Variants in PAX2 observed in about 807,000 individuals in gnomAD.
The protein encoded by PAX2 is paired box protein Pax-2.
A neutral mutation model predicts 41.7 loss-of-function variants in PAX2; 9 were observed. That is an observed-to-expected ratio of 0.22 (90% CI 0.13 to 0.38). The LOEUF (loss-of-function observed/expected upper bound fraction) is 0.38. PAX2 is among the 10% of genes least tolerant of loss of function. The pLI, the probability that PAX2 is intolerant of heterozygous loss-of-function variation, is 1.00. For synonymous variants in PAX2, 221 were observed against 212.7 expected (o/e 1.04, Z -0.34); for missense variants, 418 against 531.6 (o/e 0.79, Z 2.10).
rs1848699892 is a variant in PAX2, at chr10:100,829,333, C to G, written c.*1714C>G. 1 of 223,256 alleles carries G rather than the reference C, an allele frequency of 4.5e-6. No homozygotes were observed. The highest frequency in any genetic ancestry group is 9.0e-6 in the Non-Finnish European group (1 of 111,610). 13.8% of individuals were successfully genotyped at this position (223,256 alleles called of 1,614,324 possible). A position where few individuals can be genotyped will look rare whatever the true frequency, so the allele number is the denominator to read the frequency against. Reference sequence around the variant, plus strand: ...TCTGCTCTTTCCTCGGCCTCTCTCCCCAGACCTGGCCCGGCCGCCCTGTCT... The same window carrying G: ...TCTGCTCTTTCCTCGGCCTCTCTCCGCAGACCTGGCCCGGCCGCCCTGTCT... On this transcript the variant is annotated 3_prime_UTR_variant, in exon 10 of 10. Coordinates refer to ENST00000355243, the MANE Select transcript of PAX2 (RefSeq NM_000278.5).
chr10:100,814,071 G>A (rs987398406), intron 7 of PAX2, among the ~76,000 whole-genome samples: 4 of 152,050 alleles, frequency 2.6e-5, no homozygotes, highest in African/African-American at 4.8e-5. Flanking sequence ...CAAAGGGGCC[G>A]GGCGCGGTGG....
intron 5 of PAX2, among the ~76,000 whole-genome samples, chr10:100,789,471 A>C (rs943686479): frequency 6.6e-6 from 1 of 152,230 alleles, no homozygotes; most frequent in Non-Finnish European, 1.5e-5. Flanking sequence ...GATTTCACAC[A>C]CTGTACTATC....
Position 100,821,369 on chromosome 10 carries a change from T to C in PAX2, c.920-3279T>C, listed in dbSNP as rs576416521. 7.2e-5 allele frequency among the ~76,000 whole-genome samples: 11 copies of C among 152,350 alleles called. No individual in the cohort carries two copies. In the South Asian group the frequency reaches 1.2e-3, roughly 17 times the overall value. ...CTCCTTTGTGGAGATACTGGTGTTA[T>C]AGACTCCGCAGCAGCAGGTGCACAG... On this transcript the variant is annotated intron_variant, in intron 7 of 9. Transcript: ENST00000355243.
chr10:100,772,132 G>T (rs766870160), intron 3 of PAX2, among the ~76,000 whole-genome samples: 22 of 151,098 alleles, frequency 1.5e-4, no homozygotes, highest in East Asian at 2.0e-4. Flanking sequence ...TATCTTTTTT[G>T]TGTGTGTGAC....
intron 3 of PAX2, among the ~76,000 whole-genome samples, chr10:100,774,100 G>A (rs1342341844): frequency 6.6e-6 from 1 of 152,232 alleles, no homozygotes; most frequent in Non-Finnish European, 1.5e-5. Flanking sequence ...AGGAGGAAGA[G>A]AGAGAGCTGA....
intron 5 of PAX2, among the ~76,000 whole-genome samples, chr10:100,804,334 C>T (rs555601981): frequency 1.6e-4 from 24 of 151,800 alleles, no homozygotes; most frequent in Non-Finnish European, 2.4e-4. Context: ...CAGGCATATA[C>T]ACAAATCTAC....
intron 3 of PAX2, among the ~76,000 whole-genome samples, chr10:100,776,601 C>A (rs1361546843): frequency 6.6e-6 from 1 of 152,184 alleles, no homozygotes. Context: ...TTTCCCCGGT[C>A]CCTGACAGTC....
At chr10:100,758,948 G>C (rs1845740050) in intron 3 of PAX2, among the ~76,000 whole-genome samples, 1 of 152,236 alleles carries the variant, frequency 6.6e-6, no homozygotes, top group Non-Finnish European at 1.5e-5. Context: ...GAGAGGTGGG[G>C]TGTGGGTAGG....
At position 100,829,377 on chromosome 10, in the gene PAX2, G is replaced by A. The variant is rs1848702138; in HGVS notation, c.*1758G>A. The A allele has an allele frequency of 4.7e-6, 1 of 212,264 alleles. No individual in the cohort carries two copies. Among genetic ancestry groups the A allele is most frequent in the South Asian group, 1.9e-4 (1 of 5,356 alleles). The allele number at this position is 212,264 out of a possible 1,614,324, so 13.1% of individuals were successfully genotyped here. A position where few individuals can be genotyped will look rare whatever the true frequency, so the allele number is the denominator to read the frequency against. ...CCTGTCTCCGCAGGCTAGATCCGAG[G>A]TGGCAGCTCCAGCCCCCGGGCTCGC... is the stretch of plus-strand genomic sequence containing the variant. On this transcript the variant is annotated 3_prime_UTR_variant, in exon 10 of 10. Coordinates refer to ENST00000355243, the MANE Select transcript of PAX2 (RefSeq NM_000278.5).
In PAX2 at chr10:100,824,884, G is replaced by A; in HGVS notation, c.1021+135G>A. The A allele has an allele frequency of 1.9e-6, 3 of 1,608,098 alleles. No homozygotes were observed. The highest frequency in any genetic ancestry group is 2.6e-6 in the Non-Finnish European group (3 of 1,174,542). ...CCTCCCTGCAAACCACTGCTATTCT[G>A]TCCCTCTCTCTCCTTAGAGGCTGCA... On this transcript the variant is annotated intron_variant, in intron 8 of 9. Transcript: ENST00000355243. The surrounding 1 kb of genome is among the most constrained non-coding windows in gnomAD (Gnocchi z 6.6).
intron 5 of PAX2, among the ~76,000 whole-genome samples, chr10:100,796,003 C>T (rs1847317652): frequency 6.6e-6 from 1 of 152,148 alleles, no homozygotes; most frequent in African/African-American, 2.4e-5. Context: ...TTTTTGTTGT[C>T]TCAGCTTGTT....
At chr10:100,772,429 T>C (rs1417981746) in intron 3 of PAX2, among the ~76,000 whole-genome samples, 1 of 152,184 alleles carries the variant, frequency 6.6e-6, no homozygotes, top group African/African-American at 2.4e-5. Context: ...GCTGGGATTA[T>C]AGGCATAAGC....
chr10:100,783,267 A>G (rs1323591836), intron 5 of PAX2, among the ~76,000 whole-genome samples: 1 of 152,244 alleles, frequency 6.6e-6, no homozygotes, highest in Admixed American at 6.5e-5. Flanking sequence ...GCAGAACAAG[A>G]TATGATTCTT....
chr10:100,758,920 T>C (rs1004181983), intron 3 of PAX2, among the ~76,000 whole-genome samples: 5 of 151,974 alleles, frequency 3.3e-5, no homozygotes, highest in African/African-American at 9.7e-5. Context: ...AGATTATGAC[T>C]CCCTATAGCC....
intron 3 of PAX2, among the ~76,000 whole-genome samples, chr10:100,759,103 C>A (rs1845746722): frequency 1.3e-5 from 2 of 152,108 alleles, no homozygotes. Flanking sequence ...CACGGCAGAG[C>A]CCGCAAGGGG....
chr10:100,741,463 G>A (rs1014821760), upstream of PAX2, among the ~76,000 whole-genome samples: 1 of 151,162 alleles, frequency 6.6e-6, no homozygotes, highest in African/African-American at 2.4e-5. Flanking sequence ...GGCCAGGCAG[G>A]GGGAAGGGCG....
chr10:100,793,288 C>T (rs746358955), intron 5 of PAX2, among the ~76,000 whole-genome samples: 2 of 152,364 alleles, frequency 1.3e-5, no homozygotes, highest in Non-Finnish European at 1.5e-5. Context: ...TACCAGTGCT[C>T]CCAGGCAGGA....
At chr10:100,823,449 A>AAG (rs1235533189) in intron 7 of PAX2, among the ~76,000 whole-genome samples, 7 of 152,100 alleles carry the variant, frequency 4.6e-5, no homozygotes, top group African/African-American at 7.2e-5. Flanking sequence ...GAGAGTAGCA[A>AAG]AGAGAGAGAG....
At chr10:100,775,263 C>T (rs74152669) in intron 3 of PAX2, among the ~76,000 whole-genome samples, 7 of 152,156 alleles carry the variant, frequency 4.6e-5, no homozygotes, top group East Asian at 3.8e-4. Flanking sequence ...CATGGGGAAA[C>T]GGTATCAGGC....
Sources: allele counts gnomAD v4.1 joint callset (sites outside exome capture counted in the v4.1 genomes callset), GRCh38; gene constraint gnomAD v4.1.1; non-coding constraint Gnocchi (gnomAD v3.1); transcripts MANE v1.5; gene names NCBI Gene and HGNC (gene_info 2026-07-23, HGNC 2026-07-21).